Variants in TTC23L observed in about 807,000 individuals in gnomAD.
TTC23L encodes tetratricopeptide repeat domain 23 like.
A neutral mutation model predicts 48.1 loss-of-function variants in TTC23L; 42 were observed. The ratio of observed to expected loss-of-function variants is 0.87; its 90% CI spans 0.68 to 1.13. The LOEUF is 1.13. Ranked by LOEUF, TTC23L falls within the 50% of genes most tolerant of loss-of-function variation. The pLI is 0.00. For missense variants in TTC23L, 391 were observed against 421.0 expected, an observed-to-expected ratio of 0.93 and a Z score of 0.62; for synonymous variants, 159 against 157.2, an observed-to-expected ratio of 1.01 and a Z score of -0.09.
chr5:34,925,233 G>A, the TTC23L span: 34 of 1,534,730 alleles, frequency 2.2e-5, no homozygotes, highest in Admixed American at 3.0e-4. Flanking sequence ...TAGCATCGGC[G>A]TGTCATAAGA....
the TTC23L span, chr5:34,924,942 A>C: frequency 2.5e-6 from 4 of 1,613,538 alleles, no homozygotes; most frequent in Non-Finnish European, 3.4e-6. Flanking sequence ...GACCAACTTT[A>C]TATGAAAATC....
Position 34,863,150 on chromosome 5 carries a change from A to T in TTC23L, c.536+96A>T. On this transcript the variant is annotated intron_variant, in intron 5 of 10. Transcript: ENST00000505624. This position sits in a 1 kb window ranked among gnomAD's most constrained non-coding sequence, Gnocchi z 4.1. ...TACAGGAGGGTGGGAGATGGAACCA[A>T]GGCCTTGTAGATCTGTTCCAACATC... 6.7e-7 allele frequency: 1 copy of T among 1,502,978 alleles called. No homozygotes were observed. The highest frequency in any genetic ancestry group is 1.2e-5 in the South Asian group (1 of 80,428). 93.1% of individuals were successfully genotyped at this position (1,502,978 alleles called of 1,614,324 possible).
chr5:34,842,263 C>T (rs1214285159), intron 2 of TTC23L, among the ~76,000 whole-genome samples: 2 of 151,990 alleles, frequency 1.3e-5, no homozygotes, highest in Non-Finnish European at 2.9e-5. Flanking sequence ...ACATATTTTA[C>T]ATTTACAGCA....
the TTC23L span, among the ~76,000 whole-genome samples, chr5:34,917,011 A>G: frequency 1.3e-5 from 2 of 152,206 alleles, no homozygotes; most frequent in African/African-American, 4.8e-5. Context: ...ATGGAAGTGC[A>G]GGAGATATAG....
At chr5:34,915,488 G>C in the TTC23L span, 29 of 430,626 alleles carry the variant, frequency 6.7e-5, no homozygotes, top group Middle Eastern at 1.3e-3. Context: ...GCGGCTCCGA[G>C]GAACCGCGGA....
exon 8 of TTC23L, chr5:34,869,013 G>T (rs1561140700): frequency 6.2e-7 from 1 of 1,600,510 alleles, no homozygotes; most frequent in South Asian, 1.1e-5. Context: ...CCAGCACAGG[G>T]GTAGGTAAAA....
intron 4 of TTC23L, among the ~76,000 whole-genome samples, chr5:34,862,250 A>G (rs1162945034): frequency 6.6e-6 from 1 of 152,026 alleles, no homozygotes; most frequent in East Asian, 1.9e-4. Flanking sequence ...GCATTTAGCA[A>G]TTGCTTTCTT....
Position 34,863,256 on chromosome 5 carries a change from G to A in TTC23L, c.536+202G>A, listed in dbSNP as rs1020140202. Reference sequence around the variant, plus strand: ...TGTCTATTCATATAAGCTCTGAGTTGAGCCACGGAAGAGATTTCACTAGTC... The same window carrying A: ...TGTCTATTCATATAAGCTCTGAGTTAAGCCACGGAAGAGATTTCACTAGTC... On this transcript the variant is annotated intron_variant, in intron 5 of 10. Transcript: ENST00000505624. The surrounding 1 kb of genome is among the most constrained non-coding windows in gnomAD (Gnocchi z 4.1). Among the ~76,000 whole-genome samples, 1 of 152,154 alleles carries A rather than the reference G, an allele frequency of 6.6e-6. No individual in the cohort carries two copies. Among genetic ancestry groups the A allele is most frequent in the Non-Finnish European group, 1.5e-5 (1 of 68,024 alleles).
intron 4 of TTC23L, among the ~76,000 whole-genome samples, chr5:34,850,744 C>G (rs1387529020): frequency 6.6e-6 from 1 of 152,050 alleles, no homozygotes; most frequent in Non-Finnish European, 1.5e-5. Context: ...AACTCAAGTT[C>G]CTGGAAGGTT....
chr5:34,911,596 T>G, the TTC23L span: 1 of 1,614,192 alleles, frequency 6.2e-7, no homozygotes, highest in Non-Finnish European at 8.5e-7. Flanking sequence ...TTGTAGGACT[T>G]CACTCGTCAT....
intron 8 of TTC23L, among the ~76,000 whole-genome samples, chr5:34,871,329 T>A (rs1761448957): frequency 6.6e-6 from 1 of 152,068 alleles, no homozygotes; most frequent in African/African-American, 2.4e-5. Context: ...TCCCTGCAAA[T>A]GAAATATTTA....
At chr5:34,843,879 C>A (rs112056401) in intron 2 of TTC23L, among the ~76,000 whole-genome samples, 13,440 of 152,146 alleles carry the variant, frequency 0.088, 934 homozygotes, top group South Asian at 0.12. Flanking sequence ...TTTTCAGAAA[C>A]AAATGAGGCT....
chr5:34,892,472 G>T (rs1762933472), intron 9 of TTC23L, among the ~76,000 whole-genome samples: 1 of 152,100 alleles, frequency 6.6e-6, no homozygotes, highest in Admixed American at 6.6e-5. Context: ...TACTTCTTTT[G>T]TACATTTCTA....
intron 9 of TTC23L, among the ~76,000 whole-genome samples, chr5:34,880,874 G>A (rs907669511): frequency 6.6e-6 from 1 of 152,026 alleles, no homozygotes; most frequent in Non-Finnish European, 1.5e-5. Flanking sequence ...CCTGACCTCA[G>A]GTGATCCACC....
intron 2 of TTC23L, among the ~76,000 whole-genome samples, chr5:34,841,880 G>A (rs1391948768): frequency 6.6e-6 from 1 of 152,082 alleles, no homozygotes; most frequent in Non-Finnish European, 1.5e-5. Flanking sequence ...TTGACATTGG[G>A]GTTGGATAAC....
At chr5:34,895,491 G>A (rs915332174) in intron 9 of TTC23L, among the ~76,000 whole-genome samples, 43 of 152,334 alleles carry the variant, frequency 2.8e-4, no homozygotes, top group African/African-American at 9.9e-4. Context: ...TCTGTCAGAT[G>A]TCTCTGGAAC....
At chr5:34,846,659 ATGTGTGTATGTG>A (rs1392021869) in intron 3 of TTC23L, among the ~76,000 whole-genome samples, 15 of 69,160 alleles carry the variant, frequency 2.2e-4, no homozygotes, top group African/African-American at 6.0e-4. Context: ...AAATACATAT[ATGTGTGTATGTG>A]TGTGTGTGTG....
chr5:34,896,778 G>A (rs761822866), exon 10 of TTC23L: 3 of 768,186 alleles, frequency 3.9e-6, no homozygotes, highest in South Asian at 1.4e-5. Context: ...AGGACAAGTA[G>A]CAGTTCATCC....
rs918974119 is a variant in TTC23L, at chr5:34,863,756, T to C, written c.537-681T>C. On this transcript the variant is annotated intron_variant, in intron 5 of 10. Transcript: ENST00000505624. The surrounding 1 kb of genome is among the most constrained non-coding windows in gnomAD (Gnocchi z 4.1). ...CAGAACTGGGGATTCTGACAGCCTG[T>C]TGTACCATCTCCACTGGAAAGATGT... 6.6e-6 allele frequency among the ~76,000 whole-genome samples: 1 copy of C among 152,200 alleles called. No individual in the cohort carries two copies. Among genetic ancestry groups the C allele is most frequent in the African/African-American group, 2.4e-5 (1 of 41,452 alleles).
Sources: gnomAD v4.1 joint callset for allele counts (sites outside exome capture counted in the v4.1 genomes callset) on GRCh38, gnomAD v4.1.1 for gene constraint, Gnocchi (gnomAD v3.1) non-coding constraint, MANE v1.5 for transcripts, NCBI Gene and HGNC (gene_info 2026-07-23, HGNC 2026-07-21) for gene names.